CSMD1: variants seen among roughly 807,000 people sequenced by gnomAD.
CSMD1 encodes CUB and Sushi multiple domains 1.
A neutral mutation model predicts 417.5 loss-of-function variants in CSMD1; 213 were observed. The observed-to-expected ratio is 0.51, with a 90% CI of 0.46 to 0.57. The LOEUF (loss-of-function observed/expected upper bound fraction) is 0.57, where lower values mean the gene tolerates loss of function less well. Among genes scored for constraint, CSMD1 ranks in the 20% least tolerant of loss-of-function variants. The pLI is 0.00. For synonymous variants in CSMD1, 2,862 were observed against 1,736.8 expected, an observed-to-expected ratio of 1.65 and a Z score of -16.11; for missense variants, 6,923 against 4,529.7, an observed-to-expected ratio of 1.53 and a Z score of -15.17.
intron 8 of CSMD1, among the ~76,000 whole-genome samples, chr8:3,587,304 G>C (rs967617469): frequency 6.6e-6 from 1 of 152,218 alleles, no homozygotes; most frequent in Admixed American, 6.5e-5. Flanking sequence ...TCTGAGCCTG[G>C]CTTCTGGCAT....
At chr8:4,908,128 G>T (rs976215469) in intron 1 of CSMD1, among the ~76,000 whole-genome samples, 5 of 152,040 alleles carry the variant, frequency 3.3e-5, no homozygotes, top group African/African-American at 1.2e-4. Flanking sequence ...AATTTTGCTG[G>T]GTACAGAATT....
chr8:3,378,004 C>G (rs1159782465), intron 18 of CSMD1, among the ~76,000 whole-genome samples: 1 of 152,062 alleles, frequency 6.6e-6, no homozygotes, highest in Admixed American at 6.6e-5. Context: ...CAGAGGAATG[C>G]TCATCAAGGC....
Position 4,006,312 on chromosome 8 carries a change from G to C in CSMD1, c.611-8202C>G, listed in dbSNP as rs535097951. On this transcript the variant is annotated intron_variant, in intron 4 of 69. Transcript: ENST00000635120. ...AAATGAAAAGCATTTGGGAGGCTGA[G>C]ATGGATGGATCACCTGAGGTCAGCA... Among the ~76,000 whole-genome samples, 8 of 152,322 alleles carry C rather than the reference G, an allele frequency of 5.3e-5. No homozygotes were observed. In the South Asian group the frequency reaches 1.0e-3, roughly 20 times the overall value.
At chr8:3,640,039 G>A (rs1360777693) in intron 7 of CSMD1, among the ~76,000 whole-genome samples, 2 of 152,182 alleles carry the variant, frequency 1.3e-5, no homozygotes, top group East Asian at 1.9e-4. Flanking sequence ...ATGAATTAAT[G>A]CATGCATTAA....
At chr8:3,485,205 T>A (rs558755041) in intron 11 of CSMD1, among the ~76,000 whole-genome samples, 2 of 152,314 alleles carry the variant, frequency 1.3e-5, no homozygotes, top group African/African-American at 4.8e-5. Context: ...CATTCATACC[T>A]TGAAATACCA....
intron 2 of CSMD1, among the ~76,000 whole-genome samples, chr8:4,574,203 G>C (rs1429170780): frequency 3.9e-5 from 6 of 152,140 alleles, no homozygotes; most frequent in Admixed American, 6.5e-5. Flanking sequence ...CTCGGTATCT[G>C]TCTGAACAGC....
chr8:4,269,448 A>T (rs1327405977), intron 3 of CSMD1, among the ~76,000 whole-genome samples: 2 of 152,176 alleles, frequency 1.3e-5, no homozygotes, highest in Non-Finnish European at 2.9e-5. Flanking sequence ...TCTGAAGTTT[A>T]ATCAAGTATT....
chr8:4,740,239 T>A (rs2117000662), intron 1 of CSMD1, among the ~76,000 whole-genome samples: 1 of 152,340 alleles, frequency 6.6e-6, no homozygotes, highest in Middle Eastern at 3.4e-3. Flanking sequence ...AATCTCTATG[T>A]GCAATTTCTG....
In CSMD1 at chr8:3,712,560, G is replaced by T. The variant is rs192707664; in HGVS notation, c.932-4069C>A. Among the ~76,000 whole-genome samples the T allele has an allele frequency of 3.3e-5, 5 of 152,306 alleles. No homozygotes were observed. In the East Asian group the frequency reaches 9.7e-4, roughly 29 times the overall value. ...TAAACTATTGAGTCATTCATTCTCA[G>T]ATCTTCGAATGAATGATAAAAATAT... On this transcript the variant is annotated intron_variant, in intron 6 of 69. Transcript: ENST00000635120.
At chr8:4,347,436 A>G (rs922920647) in intron 3 of CSMD1, among the ~76,000 whole-genome samples, 1 of 152,170 alleles carries the variant, frequency 6.6e-6, no homozygotes, top group African/African-American at 2.4e-5. Context: ...TATTTTAGCC[A>G]AACACACACA....
At chr8:4,379,499 G>T (rs1373768830) in intron 3 of CSMD1, among the ~76,000 whole-genome samples, 1 of 152,180 alleles carries the variant, frequency 6.6e-6, no homozygotes. Context: ...TCTGGTTAAT[G>T]TTAGCACTGG....
At chr8:3,415,732 A>C (rs559325677) in intron 12 of CSMD1, among the ~76,000 whole-genome samples, 21 of 152,304 alleles carry the variant, frequency 1.4e-4, no homozygotes, top group African/African-American at 4.8e-4. Flanking sequence ...ATTCTGGAGA[A>C]TCTGATGAAG....
chr8:4,342,924 T>C (rs1229336906), intron 3 of CSMD1, among the ~76,000 whole-genome samples: 1 of 152,072 alleles, frequency 6.6e-6, no homozygotes, highest in African/African-American at 2.4e-5. Flanking sequence ...TTCCAAGATA[T>C]GCTGCACACT....
At chr8:3,378,093 G>A (rs1028756717) in intron 18 of CSMD1, among the ~76,000 whole-genome samples, 2 of 152,134 alleles carry the variant, frequency 1.3e-5, no homozygotes, top group Non-Finnish European at 1.5e-5. Flanking sequence ...ATTGAATATT[G>A]GATGTGTTTG....
intron 7 of CSMD1, among the ~76,000 whole-genome samples, chr8:3,674,481 T>C (rs1315806294): frequency 2.0e-5 from 3 of 152,158 alleles, no homozygotes; most frequent in African/African-American, 4.8e-5. Context: ...AAATGATCAC[T>C]ACTCTTAAAA....
At chr8:3,130,346 G>A (rs1817728884) in intron 41 of CSMD1, among the ~76,000 whole-genome samples, 1 of 152,072 alleles carries the variant, frequency 6.6e-6, no homozygotes, top group Non-Finnish European at 1.5e-5. Context: ...CATACAGCCA[G>A]ACGAGGCGAT....
At chr8:3,834,450 C>T (rs1016922793) in intron 5 of CSMD1, among the ~76,000 whole-genome samples, 5 of 152,174 alleles carry the variant, frequency 3.3e-5, no homozygotes, top group African/African-American at 2.4e-5. Flanking sequence ...TGGGCTTCCC[C>T]GGCAGGCAGT....
intron 1 of CSMD1, among the ~76,000 whole-genome samples, chr8:4,935,887 G>C (rs981119614): frequency 2.0e-5 from 3 of 152,172 alleles, no homozygotes; most frequent in African/African-American, 7.2e-5. Context: ...TGCAATTTCT[G>C]GGCTGTCTTC....
intron 17 of CSMD1, among the ~76,000 whole-genome samples, chr8:3,390,395 G>A (rs908496568): frequency 1.0e-4 from 15 of 149,726 alleles, no homozygotes; most frequent in Admixed American, 2.0e-4. Flanking sequence ...TTTGTAGCAG[G>A]TGATTTATCT....
Sources: allele counts gnomAD v4.1 joint callset (sites outside exome capture counted in the v4.1 genomes callset), GRCh38; gene constraint gnomAD v4.1.1; transcripts MANE v1.5; gene names NCBI Gene and HGNC (gene_info 2026-07-23, HGNC 2026-07-21).